TBC1D32: variants seen among roughly 807,000 people sequenced by gnomAD.
The protein encoded by TBC1D32 is TBC1 domain family member 32, also known as protein broad-minded.
In TBC1D32, 151 loss-of-function variants were observed where a neutral mutation model predicts 170.3. That is an observed-to-expected ratio of 0.89 (90% CI 0.78 to 1.01). The LOEUF is 1.01. Among genes scored for constraint, TBC1D32 ranks in the 50% least tolerant of loss-of-function variants. The pLI is 0.00. For missense variants in TBC1D32, 1,464 were observed against 1,457.1 expected (o/e 1.00, Z -0.08); for synonymous variants, 498 against 488.0 (o/e 1.02, Z -0.27).
chr6:121,334,521 G>C (rs1216406245), upstream of TBC1D32: 2 of 1,430,726 alleles, frequency 1.4e-6, no homozygotes, highest in African/African-American at 2.9e-5. Flanking sequence ...ACCCAGCCCC[G>C]GCTACGTGCG....
Position 121,255,372 on chromosome 6 carries a change from C to T in TBC1D32, c.1974G>A (p.Glu658=), listed in dbSNP as rs201833154. 1 of 1,533,404 alleles carries T rather than the reference C, an allele frequency of 6.5e-7. No homozygotes were observed. The highest frequency in any genetic ancestry group is 1.6e-5 in the African/African-American group (1 of 63,998). The allele number at this position is 1,533,404 out of a possible 1,614,324, so 95.0% of individuals were successfully genotyped here. A position where few individuals can be genotyped will look rare whatever the true frequency, so the allele number is the denominator to read the frequency against. ...TTACTGAAGAAACAGAATCAGAACC[C>T]TCTACTGGAGTAGGAATTCTTTCTG... The part of the protein sequence containing the change: ...LLSERIPTPV[E]GSDSVSSVSQ... Residue 658 remains glutamate, a synonymous_variant, in exon 17 of 32, where the codon GAG becomes GAA. Transcript: ENST00000398212.
At chr6:121,155,131 G>A (rs1784717732) in intron 24 of TBC1D32, among the ~76,000 whole-genome samples, 1 of 152,096 alleles carries the variant, frequency 6.6e-6, no homozygotes, top group South Asian at 2.1e-4. Flanking sequence ...TACAATCCAT[G>A]AGCAGAAATA....
intron 24 of TBC1D32, among the ~76,000 whole-genome samples, chr6:121,136,976 A>G (rs1401336287): frequency 6.6e-6 from 1 of 152,102 alleles, no homozygotes; most frequent in African/African-American, 2.4e-5. Context: ...GATTTAATTA[A>G]AAGTATATGC....
At chr6:121,110,178 G>A (rs1049775468) in intron 29 of TBC1D32, among the ~76,000 whole-genome samples, 4 of 151,206 alleles carry the variant, frequency 2.6e-5, no homozygotes, top group African/African-American at 9.7e-5. Context: ...GTGAACCCAG[G>A]AGGCGGAGCT....
chr6:121,213,717 C>A (rs1463394995), intron 21 of TBC1D32, among the ~76,000 whole-genome samples: 1 of 151,970 alleles, frequency 6.6e-6, no homozygotes, highest in Non-Finnish European at 1.5e-5. Flanking sequence ...GGGCATACTG[C>A]CCAAAGCAAT....
chr6:121,139,038 G>A (rs907645621), intron 24 of TBC1D32, among the ~76,000 whole-genome samples: 10 of 152,060 alleles, frequency 6.6e-5, no homozygotes, highest in African/African-American at 2.2e-4. Context: ...AGTAGAGACA[G>A]GGTTTCACTG....
intron 1 of TBC1D32, among the ~76,000 whole-genome samples, chr6:121,325,865 A>C (rs1275054616): frequency 1.3e-5 from 2 of 152,202 alleles, no homozygotes; most frequent in Admixed American, 6.5e-5. Context: ...AAATTTTTGC[A>C]ATCTACTCAT....
chr6:121,125,124 A>G (rs1400012952), intron 26 of TBC1D32, among the ~76,000 whole-genome samples: 1 of 152,066 alleles, frequency 6.6e-6, no homozygotes, highest in African/African-American at 2.4e-5. Context: ...AGAATTATGT[A>G]TTTATTTTAC....
chr6:121,152,829 G>A (rs529312679), intron 24 of TBC1D32, among the ~76,000 whole-genome samples: 10 of 152,046 alleles, frequency 6.6e-5, no homozygotes, highest in South Asian at 2.1e-4. Flanking sequence ...CAATTTTCTC[G>A]TGCTGTGTTT....
At chr6:121,113,497 G>A (rs900779073) in intron 27 of TBC1D32, among the ~76,000 whole-genome samples, 2 of 152,174 alleles carry the variant, frequency 1.3e-5, no homozygotes, top group African/African-American at 4.8e-5. Context: ...GTTGAGTCTA[G>A]AAGTACCTTT....
chr6:121,289,707 A>G (rs1166672185), intron 12 of TBC1D32, among the ~76,000 whole-genome samples: 3 of 152,176 alleles, frequency 2.0e-5, no homozygotes, highest in African/African-American at 7.2e-5. Flanking sequence ...CCTAAGCCAA[A>G]AGAACAAAGC....
intron 23 of TBC1D32, 59 bp downstream of exon 23, chr6:121,160,889 T>C: frequency 3.0e-6 from 4 of 1,345,946 alleles, no homozygotes; most frequent in Admixed American, 1.7e-5. Flanking sequence ...TTGAGTTGGC[T>C]ATCTTGCTTC....
At chr6:121,294,410 T>A (rs1805311682) in intron 11 of TBC1D32, among the ~76,000 whole-genome samples, 160 bp downstream of exon 11, 1 of 152,256 alleles carries the variant, frequency 6.6e-6, no homozygotes, top group East Asian at 1.9e-4. Flanking sequence ...GATTATAGTG[T>A]ATCTTATAAA....
intron 30 of TBC1D32, among the ~76,000 whole-genome samples, chr6:121,104,634 T>C (rs1347380065): frequency 6.6e-6 from 1 of 151,732 alleles, no homozygotes; most frequent in African/African-American, 2.4e-5. Context: ...AAAAGATATA[T>C]ATTTAGTAAT....
At chr6:121,261,594 A>T (rs1226397907) in intron 15 of TBC1D32, among the ~76,000 whole-genome samples, 5 of 152,226 alleles carry the variant, frequency 3.3e-5, no homozygotes, top group Non-Finnish European at 2.9e-5. Context: ...AGCATCAACT[A>T]AAAAAATCCT....
chr6:121,283,789 T>A, intron 13 of TBC1D32, 29 bp downstream of exon 13: 1 of 1,473,778 alleles, frequency 6.8e-7, no homozygotes, highest in East Asian at 2.3e-5. Context: ...TGTTTTATAT[T>A]TCTCTATTTA....
chr6:121,328,348 C>T (rs893390279), intron 1 of TBC1D32, among the ~76,000 whole-genome samples: 4 of 151,950 alleles, frequency 2.6e-5, no homozygotes, highest in Admixed American at 6.6e-5. Context: ...TGCAGTGACG[C>T]GATCTCGGCT....
chr6:121,223,344 T>TA lies in TBC1D32; in HGVS notation c.2372dup (p.Leu791PhefsTer14). 3.8e-6 allele frequency: 6 copies of TA among 1,580,254 alleles called. No individual in the cohort carries two copies. The highest frequency in any genetic ancestry group is 1.4e-5 in the African/African-American group (1 of 73,040). On this transcript the variant is annotated frameshift_variant, in exon 21 of 32. Coordinates refer to ENST00000398212, the MANE Select transcript of TBC1D32 (RefSeq NM_152730.6). LOFTEE classifies it high-confidence loss of function. ...GATAGGATAACAAGTTCACCAGTGC[T>TA]AAAAAAGACTAGAGGGAAAGAAAAC...
At chr6:121,153,400 C>A (rs1220428792) in intron 24 of TBC1D32, among the ~76,000 whole-genome samples, 2 of 152,156 alleles carry the variant, frequency 1.3e-5, no homozygotes, top group Admixed American at 1.3e-4. Flanking sequence ...CAGATGCCAG[C>A]TGAAGCTCTC....
Sources: allele counts gnomAD v4.1 joint callset (sites outside exome capture counted in the v4.1 genomes callset), GRCh38; gene constraint gnomAD v4.1.1; transcripts MANE v1.5; gene names NCBI Gene and HGNC (gene_info 2026-07-23, HGNC 2026-07-21).